LARGE1: variants seen among roughly 807,000 people sequenced by gnomAD.
The protein encoded by LARGE1 is xylosyl- and glucuronyltransferase LARGE1.
Under a neutral mutation model 87.6 loss-of-function variants are expected in LARGE1, and 43 were observed. The ratio of observed to expected loss-of-function variants is 0.49; its 90% confidence interval spans 0.38 to 0.63. The LOEUF is 0.63. Among genes scored for constraint, LARGE1 ranks in the 30% least tolerant of loss-of-function variants. The pLI is 0.00. For missense variants in LARGE1, 802 were observed against 1,000.2 expected (o/e 0.80, Z 2.67); for synonymous variants, 434 against 394.6 (o/e 1.10, Z -1.18).
At chr22:33,519,308 C>T (rs1352722274) in intron 6 of LARGE1, among the ~76,000 whole-genome samples, 1 of 151,918 alleles carries the variant, frequency 6.6e-6, no homozygotes. Flanking sequence ...CCCAGGGGGG[C>T]TCCCTGGGGT....
chr22:33,280,734 T>C (rs948439169), intron 13 of LARGE1, among the ~76,000 whole-genome samples: 3 of 152,132 alleles, frequency 2.0e-5, no homozygotes, highest in African/African-American at 7.2e-5. Flanking sequence ...AAAAAAGGGA[T>C]GGGAAGATGA....
chr22:33,255,792 T>C (rs1415389069), intron 11 of LARGE1, among the ~76,000 whole-genome samples: 1 of 152,252 alleles, frequency 6.6e-6, no homozygotes, highest in East Asian at 1.9e-4. Flanking sequence ...TCTTCTTTTA[T>C]CTCTGGCTAG....
At chr22:33,185,084 C>A (rs1923405697) in intron 11 of LARGE1, among the ~76,000 whole-genome samples, 1 of 152,098 alleles carries the variant, frequency 6.6e-6, no homozygotes, top group South Asian at 2.1e-4. Context: ...AACTTATGGT[C>A]ACACAAAAAC....
At chr22:33,760,410 G>A (rs1168696479) in intron 2 of LARGE1, among the ~76,000 whole-genome samples, 1 of 151,992 alleles carries the variant, frequency 6.6e-6, no homozygotes, top group Non-Finnish European at 1.5e-5. Context: ...GCCTCCCTGC[G>A]CTCGGCCCCT....
intron 4 of LARGE1, among the ~76,000 whole-genome samples, chr22:33,608,801 A>T (rs2079339574): frequency 6.6e-6 from 1 of 152,202 alleles, no homozygotes. Flanking sequence ...CTACTGAGTG[A>T]CTGTAAGCAA....
At chr22:33,695,029 C>T (rs2045315) in intron 2 of LARGE1, among the ~76,000 whole-genome samples, 1 of 152,068 alleles carries the variant, frequency 6.6e-6, no homozygotes, top group East Asian at 1.9e-4. Context: ...TGTATACTCT[C>T]TATTCAATTC....
intron 5 of LARGE1, among the ~76,000 whole-genome samples, chr22:33,594,584 C>G (rs746517122): frequency 2.0e-5 from 3 of 152,148 alleles, no homozygotes; most frequent in Admixed American, 6.6e-5. Context: ...GTCATTATAA[C>G]CACACTCTTG....
chr22:33,166,812 A>G (rs1302063326), exon 12 of LARGE1: 1 of 471,420 alleles, frequency 2.1e-6, no homozygotes, highest in African/African-American at 2.0e-5. Context: ...GATGGGAGAT[A>G]GGGTCTGGCT....
intron 11 of LARGE1, among the ~76,000 whole-genome samples, chr22:33,186,805 C>A (rs895656038): frequency 6.6e-6 from 1 of 151,782 alleles, no homozygotes; most frequent in African/African-American, 2.4e-5. Flanking sequence ...CATCAAAATA[C>A]ATAAGTCAAT....
intron 11 of LARGE1, among the ~76,000 whole-genome samples, chr22:33,205,307 G>A (rs1239584478): frequency 6.6e-6 from 1 of 152,204 alleles, no homozygotes; most frequent in African/African-American, 2.4e-5. Context: ...AGACTGCTAT[G>A]TGCCAGCCAC....
intron 2 of LARGE1, among the ~76,000 whole-genome samples, chr22:33,678,016 A>C (rs2081634242): frequency 6.6e-6 from 1 of 152,234 alleles, no homozygotes; most frequent in Non-Finnish European, 1.5e-5. Context: ...TGGGATCTAC[A>C]ATATGAGAAA....
chr22:33,735,781 C>T (rs567175134), intron 2 of LARGE1, among the ~76,000 whole-genome samples: 18 of 152,278 alleles, frequency 1.2e-4, no homozygotes, highest in Admixed American at 3.9e-4. Flanking sequence ...AAACAAACCC[C>T]AACCCTCCCC....
chr22:33,111,411 G>T, the LARGE1 span, among the ~76,000 whole-genome samples: 5 of 152,092 alleles, frequency 3.3e-5, no homozygotes, highest in African/African-American at 7.2e-5. Context: ...CAGCTTCTAT[G>T]ATTATAGCCA....
At chr22:33,792,832 C>G (rs1031595552) in intron 1 of LARGE1, among the ~76,000 whole-genome samples, 4 of 152,200 alleles carry the variant, frequency 2.6e-5, no homozygotes, top group South Asian at 4.1e-4. Flanking sequence ...CAGGAGAAAA[C>G]AGACCCCTTT....
chr22:33,870,263 A>G (rs1161291762), intron 1 of LARGE1, among the ~76,000 whole-genome samples: 1 of 152,200 alleles, frequency 6.6e-6, no homozygotes, highest in Admixed American at 6.5e-5. Context: ...AGTTTCAGAG[A>G]GCATGGCCCT....
At chr22:33,476,031 G>T (rs2069063223) in intron 6 of LARGE1, among the ~76,000 whole-genome samples, 1 of 152,184 alleles carries the variant, frequency 6.6e-6, no homozygotes, top group Non-Finnish European at 1.5e-5. Context: ...TAGCTACAAA[G>T]ATTTTAAAAA....
intron 11 of LARGE1, among the ~76,000 whole-genome samples, chr22:33,170,357 A>T (rs1922499165): frequency 6.6e-6 from 1 of 152,158 alleles, no homozygotes; most frequent in Non-Finnish European, 1.5e-5. Flanking sequence ...TGACAAAGCA[A>T]GACTCCATCT....
chr22:33,301,638 T>G (rs578045643), intron 12 of LARGE1, among the ~76,000 whole-genome samples: 18 of 152,248 alleles, frequency 1.2e-4, no homozygotes, highest in East Asian at 1.9e-4. Flanking sequence ...TCTATTGAAT[T>G]GTACTCAGCA....
At chr22:33,305,844 C>CTTTTTTTT (rs111657762) in intron 11 of LARGE1, among the ~76,000 whole-genome samples, 2 of 136,892 alleles carry the variant, frequency 1.5e-5, no homozygotes, top group African/African-American at 2.9e-5. Flanking sequence ...TTTTCTTTTT[C>CTTTTTTTT]TTTTTTTTTT....
Sources: allele counts gnomAD v4.1 joint callset (sites outside exome capture counted in the v4.1 genomes callset), GRCh38; gene constraint gnomAD v4.1.1; transcripts MANE v1.5; gene names NCBI Gene and HGNC (gene_info 2026-07-23, HGNC 2026-07-21).